Variants in CAPN10 observed in about 807,000 individuals in gnomAD.
CAPN10 encodes calpain-10.
A neutral mutation model predicts 78.4 loss-of-function variants in CAPN10; 71 were observed. That is an observed-to-expected ratio of 0.91 (90% CI 0.75 to 1.10). CAPN10 has a LOEUF of 1.10. CAPN10 is among the 50% of genes least tolerant of loss of function. The pLI, the probability that CAPN10 is intolerant of heterozygous loss-of-function variation, is 0.00. For missense variants in CAPN10, 849 were observed against 924.6 expected, an observed-to-expected ratio of 0.92 and a Z score of 1.06; for synonymous variants, 437 against 407.2, an observed-to-expected ratio of 1.07 and a Z score of -0.88.
intron 3 of CAPN10, chr2:240,591,230 T>G: frequency 1.8e-6 from 1 of 556,808 alleles, no homozygotes; most frequent in Non-Finnish European, 3.2e-6. Flanking sequence ...CTTCCCTTGT[T>G]CCAAAGCCCA....
At position 240,594,019 on chromosome 2, in the gene CAPN10, C is replaced by T. The variant is rs768308971; in HGVS notation, c.802C>T (p.Arg268Trp). The T allele has an allele frequency of 8.7e-6, 14 of 1,607,918 alleles. No individual in the cohort carries two copies. Among genetic ancestry groups the T allele is most frequent in the Admixed American group, 5.0e-5 (3 of 59,752 alleles). ...GCGGATCCAGAACCCCTGGGGCCGG[C>T]GGTGCTGGCAGGGGCTCTGGAGAGA... Reference protein sequence around the residue: ...LLRIQNPWGRRCWQGLWREGG... With the variant: ...LLRIQNPWGRWCWQGLWREGG... Residue 268 changes from arginine (R) to tryptophan (W), a missense_variant, in exon 5 of 12, where the codon CGG becomes TGG. Arg to Trp is a moderately radical substitution (Grantham distance 101, BLOSUM62 -3). Coordinates refer to ENST00000391984, the MANE Select transcript of CAPN10 (RefSeq NM_023083.4).
intron 1 of CAPN10, among the ~76,000 whole-genome samples, chr2:240,588,170 G>T (rs2093080034): frequency 6.6e-6 from 1 of 152,156 alleles, no homozygotes; most frequent in African/African-American, 2.4e-5. Flanking sequence ...GAGCCTGGGG[G>T]TGACCTAGAG....
intron 2 of CAPN10, 25 bp from the exon 3 acceptor site, chr2:240,590,790 T>G: frequency 6.2e-7 from 1 of 1,609,134 alleles, no homozygotes; most frequent in Non-Finnish European, 8.5e-7. Flanking sequence ...CACGCTCGCC[T>G]TTTGCTTCTC....
In CAPN10 at chr2:240,596,740, G is replaced by A. The variant is rs771103112; in HGVS notation, c.1541G>A (p.Trp514Ter). The part of the protein sequence containing the change: ...TPGAALPAGE[W>*]GTVQLRGSWR... Reference sequence around the variant, plus strand: ...GGGGCAGCCCTGCCTGCGGGGGAGTGGGGGACCGTGCAGCTACGGGGTTCT... The same window carrying A: ...GGGGCAGCCCTGCCTGCGGGGGAGTAGGGGACCGTGCAGCTACGGGGTTCT... Residue 514 changes from tryptophan (W) to a stop codon, truncating the protein, a stop_gained, in exon 9 of 12, where the codon TGG (tryptophan) becomes TAG (stop). Transcript: ENST00000391984. LOFTEE classifies it high-confidence loss of function. 6.2e-7 allele frequency: 1 copy of A among 1,600,312 alleles called. No individual in the cohort carries two copies. The highest frequency in any genetic ancestry group is 1.7e-5 in the Admixed American group (1 of 59,318).
At chr2:240,587,983 A>G (rs968722063) in intron 1 of CAPN10, among the ~76,000 whole-genome samples, 3 of 152,274 alleles carry the variant, frequency 2.0e-5, no homozygotes, top group East Asian at 1.9e-4. Context: ...AGGGGCTCAG[A>G]TTAGCTTGAC....
chr2:240,587,375 T>C (rs949981426), intron 1 of CAPN10, among the ~76,000 whole-genome samples: 1 of 152,224 alleles, frequency 6.6e-6, no homozygotes, highest in South Asian at 2.1e-4. Flanking sequence ...GCTTTCGCCC[T>C]GAAGAGCGTT....
In CAPN10 at chr2:240,598,796, T is replaced by C. The variant is rs2093153974; in HGVS notation, c.*116T>C. ...GGCTGGTCCTGAGTCTTGGCCTGCC[T>C]CCCAGCCCTGCCAGGAGGCTGCGGC... On this transcript the variant is annotated 3_prime_UTR_variant, in exon 12 of 12. Transcript: ENST00000391984. 9.7e-7 allele frequency: 1 copy of C among 1,028,260 alleles called. No individual in the cohort carries two copies. Among genetic ancestry groups the C allele is most frequent in the African/African-American group, 1.6e-5 (1 of 63,168 alleles). 63.7% of individuals were successfully genotyped at this position (1,028,260 alleles called of 1,614,324 possible).
intron 7 of CAPN10, 38 bp downstream of exon 7, chr2:240,595,342 G>T (rs1443983537): frequency 1.9e-6 from 3 of 1,600,822 alleles, no homozygotes; most frequent in Admixed American, 1.7e-5. Context: ...CGGTTCAGCA[G>T]GTGGTGTGGA....
At chr2:240,590,694 C>A (rs981458752) in intron 2 of CAPN10, 121 bp from the exon 3 acceptor site, 10 of 807,654 alleles carry the variant, frequency 1.2e-5, no homozygotes, top group Non-Finnish European at 2.0e-5. Context: ...CGTTAGAGTT[C>A]TCTGCAGACC....
chr2:240,592,031 TAGC>T lies in CAPN10; in HGVS notation c.572_574del (p.Ala191del). ...GCAGAAAGATGGAACCTGAAGGGCG[TAGC>T]AGGAAGCGGAGGCCAGCAGGACAGG... On this transcript the variant is annotated inframe_deletion, in exon 4 of 12. Coordinates refer to ENST00000391984, the MANE Select transcript of CAPN10 (RefSeq NM_023083.4). 1 of 1,612,968 alleles carries T rather than the reference TAGC, an allele frequency of 6.2e-7. No homozygotes were observed. Among genetic ancestry groups the T allele is most frequent in the Non-Finnish European group, 8.5e-7 (1 of 1,179,892 alleles).
In CAPN10 at chr2:240,595,250, C is replaced by T. The variant is rs770556524; in HGVS notation, c.1224C>T (p.Ser408=). The T allele has an allele frequency of 6.2e-7, 1 of 1,613,606 alleles. No homozygotes were observed. The highest frequency in any genetic ancestry group is 1.1e-5 in the South Asian group (1 of 91,080). Residue 408 remains serine, a synonymous_variant, in exon 7 of 12, where the codon AGC becomes AGT. Coordinates refer to ENST00000391984, the MANE Select transcript of CAPN10 (RefSeq NM_023083.4). ...TGGGTGACAGTCATACTTCGTGGAG[C>T]CCAGCGAGCATCCCGGGCAAGCACT... The part of the protein sequence containing the change: ...ALVGDSHTSW[S]PASIPGKHYQ...
In CAPN10 at chr2:240,586,901, C is replaced by T; in HGVS notation, c.-11C>T. The T allele has an allele frequency of 2.1e-6, 3 of 1,396,968 alleles. No individual in the cohort carries two copies. Among genetic ancestry groups the T allele is most frequent in the Non-Finnish European group, 2.8e-6 (3 of 1,077,344 alleles). The allele number at this position is 1,396,968 out of a possible 1,614,324, so 86.5% of individuals were successfully genotyped here. A position where few individuals can be genotyped will look rare whatever the true frequency, so the allele number is the denominator to read the frequency against. Reference sequence around the variant, plus strand: ...GCAACCGGCTGCAGATGGGAGCCCGCGGAGCCGAGGATGCGGGCGGGCCGG... The same window carrying T: ...GCAACCGGCTGCAGATGGGAGCCCGTGGAGCCGAGGATGCGGGCGGGCCGG... On this transcript the variant is annotated 5_prime_UTR_variant, in exon 1 of 12. Coordinates refer to ENST00000391984, the MANE Select transcript of CAPN10 (RefSeq NM_023083.4).
chr2:240,594,695 A>G lies in CAPN10; in HGVS notation c.983A>G (p.Gln328Arg). Residue 328 changes from glutamine to arginine, a missense_variant, in exon 6 of 12, where the codon CAG (glutamine) becomes CGG (arginine). Gln to Arg is a conservative substitution (Grantham distance 43). Transcript: ENST00000391984. ...GYPVTEAGHL[Q>R]SLYTERLLCH... The stretch of plus-strand genomic sequence containing the variant: ...CCGGTCACGGAGGCCGGCCACCTGC[A>G]GAGCCTCTACACAGGTAGTGCCCCG... 1.9e-6 allele frequency: 3 copies of G among 1,612,690 alleles called. No individual in the cohort carries two copies. The highest frequency in any genetic ancestry group is 2.5e-6 in the Non-Finnish European group (3 of 1,179,622).
In CAPN10 at chr2:240,598,720, G is replaced by C. The variant is rs1362779866; in HGVS notation, c.*40G>C. On this transcript the variant is annotated 3_prime_UTR_variant, in exon 12 of 12. Coordinates refer to ENST00000391984, the MANE Select transcript of CAPN10 (RefSeq NM_023083.4). Reference sequence around the variant, plus strand: ...GTGCCAGCTCAGGTGACTGGAGCCCGAGGGCCTGACAGGTTCCCAGCAGCT... The same window carrying C: ...GTGCCAGCTCAGGTGACTGGAGCCCCAGGGCCTGACAGGTTCCCAGCAGCT... The C allele has an allele frequency of 1.7e-5, 26 of 1,551,574 alleles. No homozygotes were observed. Among genetic ancestry groups the C allele is most frequent in the Non-Finnish European group, 2.1e-5 (24 of 1,143,972 alleles).
chr2:240,596,147 G>C, intron 7 of CAPN10, 172 bp from the exon 8 acceptor site: 1 of 1,500,998 alleles, frequency 6.7e-7, no homozygotes, highest in Non-Finnish European at 8.9e-7. Context: ...GTGAAGCCCG[G>C]GATTGGTGGG....
chr2:240,592,224 C>T, intron 4 of CAPN10, 74 bp downstream of exon 4: 1 of 1,274,366 alleles, frequency 7.8e-7, no homozygotes. Context: ...CACACTGTAG[C>T]TTTTTATGTG....
rs371277139 is a variant in CAPN10 at position 240,595,066 on chromosome 2, T to C, written c.1040T>C (p.Val347Ala). The C allele has an allele frequency of 1.1e-5, 17 of 1,613,316 alleles. No homozygotes were observed. In the Admixed American group the frequency reaches 1.5e-4, roughly 14 times the overall value. ...ACGCGGGCGCTGCCTGGGGCCTGGG[T>C]CAAGGGCCAGTCAGCAGGAGGCTGC... ...CHTRALPGAW[V>A]KGQSAGGCRN... Residue 347 changes from valine to alanine, a missense_variant, in exon 7 of 12, where the codon GTC becomes GCC. Val to Ala is a moderately conservative substitution (Grantham distance 64). Coordinates refer to ENST00000391984, the MANE Select transcript of CAPN10 (RefSeq NM_023083.4).
intron 2 of CAPN10, 172 bp downstream of exon 2, chr2:240,589,646 T>A: frequency 1.2e-6 from 1 of 835,936 alleles, no homozygotes; most frequent in Middle Eastern, 3.6e-4. Context: ...CTGCACTCTG[T>A]CCCTCTGCTG....
rs1382245319 is a variant in CAPN10 at position 240,590,487 on chromosome 2, C to T, written c.274-328C>T. On this transcript the variant is annotated intron_variant, in intron 2 of 11. Coordinates refer to ENST00000391984, the MANE Select transcript of CAPN10 (RefSeq NM_023083.4). ...GATATGTGGCTCCCTCGGTGTGGTCCTCAAGTTTTGCAATGAGAGGTCTGT... is the reference window on the plus strand; with the variant it reads ...GATATGTGGCTCCCTCGGTGTGGTCTTCAAGTTTTGCAATGAGAGGTCTGT... 2.4e-5 allele frequency: 6 copies of T among 248,152 alleles called. No homozygotes were observed. In the South Asian group the frequency reaches 4.3e-4, roughly 18 times the overall value. The allele number at this position is 248,152 out of a possible 1,614,324, so 15.4% of individuals were successfully genotyped here.
Sources: allele counts gnomAD v4.1 joint callset (sites outside exome capture counted in the v4.1 genomes callset), GRCh38; gene constraint gnomAD v4.1.1; transcripts MANE v1.5; gene names NCBI Gene and HGNC (gene_info 2026-07-23, HGNC 2026-07-21).